Variants in TACC1 observed in about 807,000 individuals in gnomAD.
The protein encoded by TACC1 is transforming acidic coiled-coil-containing protein 1.
Under a neutral mutation model 84.4 loss-of-function variants are expected in TACC1, and 48 were observed. The observed-to-expected ratio is 0.57, with a 90% CI of 0.45 to 0.72. TACC1 has a LOEUF of 0.72. Among genes scored for constraint, TACC1 ranks in the 30% least tolerant of loss-of-function variants. TACC1 has a pLI of 0.00. For missense variants in TACC1, 920 were observed against 973.0 expected (o/e 0.95, Z 0.72); for synonymous variants, 372 against 376.3 (o/e 0.99, Z 0.13).
intron 6 of TACC1, among the ~76,000 whole-genome samples, chr8:38,834,012 A>G (rs545282750): frequency 6.6e-6 from 1 of 152,366 alleles, no homozygotes; most frequent in South Asian, 2.1e-4. Flanking sequence ...AGATGATTCA[A>G]ATGTCCAGGG....
chr8:38,824,335 G>A (rs1247600072), intron 3 of TACC1, among the ~76,000 whole-genome samples: 2 of 152,112 alleles, frequency 1.3e-5, no homozygotes, highest in Non-Finnish European at 2.9e-5. Context: ...GTGGTTTGAG[G>A]GACTGTTCTG....
chr8:38,789,105 G>C (rs1475399755), intron 2 of TACC1, among the ~76,000 whole-genome samples: 1 of 152,192 alleles, frequency 6.6e-6, no homozygotes, highest in Non-Finnish European at 1.5e-5. Flanking sequence ...GAAGTAGGAA[G>C]ATCATGTTTA....
intron 3 of TACC1, among the ~76,000 whole-genome samples, chr8:38,770,052 T>C (rs572847913): frequency 3.4e-4 from 52 of 151,718 alleles, no homozygotes; most frequent in African/African-American, 1.2e-3. Context: ...GGTGTGTGTG[T>C]ATACATGAGA....
chr8:38,757,262 G>T lies in TACC1; in HGVS notation c.26+11769G>T, dbSNP rs866131674. 4.4e-4 allele frequency: 312 copies of T among 701,650 alleles called. No individual in the cohort carries two copies. The African/African-American group carries it at 0.011, about 25-fold the overall frequency. 43.5% of individuals were successfully genotyped at this position (701,650 alleles called of 1,614,324 possible). A position where few individuals can be genotyped will look rare whatever the true frequency, so the allele number is the denominator to read the frequency against. The stretch of plus-strand genomic sequence containing the variant: ...CTTCCTCCCGCCCCACCGCCTCCCC[G>T]CCCAGGGTCTGGGCACAGCCGCCCG... On this transcript the variant is annotated intron_variant, in intron 3 of 14. Coordinates refer to the TACC1 transcript ENST00000518415.
Position 38,819,667 on chromosome 8 carries a change from T to C in TACC1, c.423T>C (p.His141=). The change falls in exon 3 of 13, where the codon CAT becomes CAC. Residue 141 remains histidine, a synonymous_variant. Coordinates refer to ENST00000317827, the MANE Select transcript of TACC1 (RefSeq NM_006283.3). ...SVKNFREEPE[H]DFSKISIVRP... ...AGAATTTCAGAGAAGAACCTGAACA[T>C]GATTTTAGCAAAATTTCCATCGTGA... The C allele has an allele frequency of 1.4e-5, 22 of 1,614,220 alleles. No individual in the cohort carries two copies. Among genetic ancestry groups the C allele is most frequent in the Non-Finnish European group, 1.9e-5 (22 of 1,180,044 alleles).
At chr8:38,842,657 G>A (rs181106666) in intron 10 of TACC1, among the ~76,000 whole-genome samples, 2 of 152,344 alleles carry the variant, frequency 1.3e-5, no homozygotes, top group African/African-American at 4.8e-5. Context: ...CCCACTGGGT[G>A]CCATGTCTTG....
At chr8:38,828,707 A>C (rs1828641093) in intron 5 of TACC1, among the ~76,000 whole-genome samples, 1 of 152,130 alleles carries the variant, frequency 6.6e-6, no homozygotes, top group Non-Finnish European at 1.5e-5. Flanking sequence ...CTGCTTCAGG[A>C]AAGGGGGCAG....
intron 1 of TACC1, among the ~76,000 whole-genome samples, chr8:38,734,012 C>T (rs961046984): frequency 6.6e-6 from 1 of 152,000 alleles, no homozygotes; most frequent in African/African-American, 2.4e-5. Flanking sequence ...TCAGTCATTG[C>T]GCAGGGTCCT....
chr8:38,826,835 A>T (rs936625744), intron 4 of TACC1, among the ~76,000 whole-genome samples: 1 of 152,170 alleles, frequency 6.6e-6, no homozygotes, highest in Non-Finnish European at 1.5e-5. Flanking sequence ...TGAAAATGCA[A>T]TGGGGGACAT....
At chr8:38,780,407 G>A (rs1815701542) in intron 3 of TACC1, among the ~76,000 whole-genome samples, 1 of 151,998 alleles carries the variant, frequency 6.6e-6, no homozygotes, top group South Asian at 2.1e-4. Flanking sequence ...CTGTTGCCCA[G>A]GCTGGAGTGC....
intron 6 of TACC1, among the ~76,000 whole-genome samples, chr8:38,832,798 G>T (rs6994320): frequency 0.024 from 3,603 of 152,310 alleles, 131 homozygotes; most frequent in African/African-American, 0.075. Flanking sequence ...GGCAGGGGCT[G>T]ATACTGCTCT....
chr8:38,843,553 T>A, intron 11 of TACC1, 158 bp downstream of exon 11: 1 of 456,684 alleles, frequency 2.2e-6, no homozygotes, highest in Non-Finnish European at 3.8e-6. Flanking sequence ...CATTAAAAAG[T>A]AAAAAAAGGT....
At chr8:38,742,576 A>G (rs1436641487) in intron 2 of TACC1, 1 of 708,020 alleles carries the variant, frequency 1.4e-6, no homozygotes, top group Non-Finnish European at 2.2e-6. Flanking sequence ...GAAGGAAATA[A>G]TGATCGAGGA....
intron 3 of TACC1, among the ~76,000 whole-genome samples, chr8:38,754,962 ACAGCC>A (rs1809720181): frequency 1.3e-5 from 2 of 152,196 alleles, no homozygotes; most frequent in African/African-American, 4.8e-5. Context: ...GGAGTTCAAT[ACAGCC>A]TGGCCAACAT....
intron 4 of TACC1, among the ~76,000 whole-genome samples, chr8:38,826,646 G>A (rs966450958): frequency 6.6e-6 from 1 of 151,982 alleles, no homozygotes; most frequent in African/African-American, 2.4e-5. Context: ...GATTTAGAGA[G>A]GAAAAGGAAT....
At chr8:38,732,513 T>C (rs969497283) in intron 1 of TACC1, among the ~76,000 whole-genome samples, 1 of 152,098 alleles carries the variant, frequency 6.6e-6, no homozygotes, top group African/African-American at 2.4e-5. Context: ...TCAGCCTGAG[T>C]CTGGATTACA....
intron 1 of TACC1, among the ~76,000 whole-genome samples, chr8:38,735,206 C>A (rs1028860189): frequency 6.6e-6 from 1 of 152,134 alleles, no homozygotes; most frequent in African/African-American, 2.4e-5. Context: ...TATTCGAAAC[C>A]CTTCATTTCA....
chr8:38,811,404 C>T (rs1278307956), intron 2 of TACC1, among the ~76,000 whole-genome samples: 1 of 152,184 alleles, frequency 6.6e-6, no homozygotes, highest in East Asian at 1.9e-4. Flanking sequence ...TCAGTCTCAC[C>T]TCATTTCCTC....
rs150950917 is a variant in TACC1, at chr8:38,778,410, T to C, written c.27-10294T>C. On this transcript the variant is annotated intron_variant, in intron 3 of 14. Transcript: ENST00000518415. ...TCCAGTTTCCAACAGTTAAATATTT[T>C]TGTTTCCTCTAAGAAGACAGAGGTC... Among the ~76,000 whole-genome samples, 350 of 152,282 alleles carry C rather than the reference T, an allele frequency of 2.3e-3. 1 individual carries two copies. Among genetic ancestry groups the C allele is most frequent in the African/African-American group, 7.6e-3 (317 of 41,558 alleles).
Sources: gnomAD v4.1 joint callset for allele counts (sites outside exome capture counted in the v4.1 genomes callset) on GRCh38, gnomAD v4.1.1 for gene constraint, MANE v1.5 for transcripts, NCBI Gene and HGNC (gene_info 2026-07-23, HGNC 2026-07-21) for gene names.